Variants in PARD3B observed in about 807,000 individuals in gnomAD.
PARD3B encodes par-3 family cell polarity regulator beta, also known as partitioning defective 3 homolog B.
PARD3B carries 103 observed loss-of-function variants against 130.2 expected under a neutral mutation model. That is an observed-to-expected ratio of 0.79 (90% CI 0.67 to 0.93). PARD3B has a LOEUF of 0.93. Among genes scored for constraint, PARD3B ranks in the 40% least tolerant of loss-of-function variants. The pLI is 0.00. For missense variants in PARD3B, 1,609 were observed against 1,499.2 expected (o/e 1.07, Z -1.21); for synonymous variants, 583 against 553.2 (o/e 1.05, Z -0.76).
rs2052619754 is a variant in PARD3B, at chr2:205,550,987, A to G, written c.3181-2337A>G. Reference sequence around the variant, plus strand: ...TATATATATATATATACACACACACACACACACACACACACATAATCTGTT... The same window carrying G: ...TATATATATATATATACACACACACGCACACACACACACACATAATCTGTT... On this transcript the variant is annotated intron_variant, in intron 21 of 22. Coordinates refer to ENST00000406610, the MANE Select transcript of PARD3B (RefSeq NM_001302769.2). This position sits in a 1 kb window ranked among gnomAD's most constrained non-coding sequence, Gnocchi z 4.5. Among the ~76,000 whole-genome samples, 1 of 71,960 alleles carries G rather than the reference A, an allele frequency of 1.4e-5. No individual in the cohort carries two copies. Among genetic ancestry groups the G allele is most frequent in the South Asian group, 3.8e-4 (1 of 2,598 alleles). The allele number at this position is 71,960 out of a possible 152,430, so 47.2% of individuals were successfully genotyped here.
intron 15 of PARD3B, among the ~76,000 whole-genome samples, chr2:205,193,587 T>A (rs1345103967): frequency 1.3e-5 from 2 of 152,228 alleles, no homozygotes; most frequent in Non-Finnish European, 1.5e-5. Flanking sequence ...AATGATTCCT[T>A]CTGGAGGATC....
At chr2:204,893,820 C>G (rs2046538745) in intron 2 of PARD3B, among the ~76,000 whole-genome samples, 1 of 152,092 alleles carries the variant, frequency 6.6e-6, no homozygotes, top group African/African-American at 2.4e-5. Flanking sequence ...GTTCTTAAGA[C>G]TGTGCCTTAT....
chr2:204,566,965 G>A (rs557547347), intron 1 of PARD3B, among the ~76,000 whole-genome samples: 7 of 150,302 alleles, frequency 4.7e-5, no homozygotes, highest in African/African-American at 1.2e-4. Context: ...TGCAACCTCC[G>A]CCTCCCAGGT....
chr2:205,456,490 C>T (rs996682940), intron 20 of PARD3B, among the ~76,000 whole-genome samples: 1 of 152,028 alleles, frequency 6.6e-6, no homozygotes, highest in African/African-American at 2.4e-5. Context: ...AGAAAACATT[C>T]CTTCTCACTG....
rs540064490 is a variant in PARD3B, at chr2:205,479,277, T to C, written c.3045-20619T>C. Among the ~76,000 whole-genome samples, 373 of 152,322 alleles carry C rather than the reference T, an allele frequency of 2.4e-3. 1 individual carries two copies. Among genetic ancestry groups the C allele is most frequent in the African/African-American group, 8.7e-3 (361 of 41,556 alleles). Reference sequence around the variant, plus strand: ...CCTCCCTTCTCCTTCCCACTTCTCCTTCATTGCACACTTTCTTATTATCAC... The same window carrying C: ...CCTCCCTTCTCCTTCCCACTTCTCCCTCATTGCACACTTTCTTATTATCAC... On this transcript the variant is annotated intron_variant, in intron 20 of 22. Transcript: ENST00000406610.
chr2:204,699,289 G>A (rs941445886), intron 2 of PARD3B, among the ~76,000 whole-genome samples: 5 of 152,050 alleles, frequency 3.3e-5, no homozygotes, highest in Admixed American at 1.3e-4. Context: ...GGTTGCTTAC[G>A]CTTGGACACT....
intron 2 of PARD3B, among the ~76,000 whole-genome samples, chr2:204,821,159 T>A (rs1400990140): frequency 6.6e-6 from 1 of 152,206 alleles, no homozygotes; most frequent in Non-Finnish European, 1.5e-5. Flanking sequence ...TCTCATCTTG[T>A]AGGTCCCATA....
chr2:204,674,642 T>C (rs960819812), intron 1 of PARD3B, among the ~76,000 whole-genome samples: 21 of 152,204 alleles, frequency 1.4e-4, no homozygotes, highest in African/African-American at 5.1e-4. Flanking sequence ...CGCCAGTACC[T>C]CTTCTGCAAT....
chr2:205,300,612 G>A lies in PARD3B; in HGVS notation c.2268G>A (p.Glu756=), dbSNP rs1271231846. 6 of 1,613,806 alleles carry A rather than the reference G, an allele frequency of 3.7e-6. No individual in the cohort carries two copies. Among genetic ancestry groups the A allele is most frequent in the Non-Finnish European group, 4.2e-6 (5 of 1,180,016 alleles). The change falls in exon 17 of 23, where the codon GAG becomes GAA. Residue 756 remains glutamate, a synonymous_variant. Coordinates refer to ENST00000406610, the MANE Select transcript of PARD3B (RefSeq NM_001302769.2). This position sits in a 1 kb window ranked among gnomAD's most constrained non-coding sequence, Gnocchi z 4.1. ...SLESLQTAVA[E]VRKNDLPFHR... is the part of the protein sequence containing the mutation. The stretch of plus-strand genomic sequence containing the variant: ...AGAGTCTGCAGACTGCAGTGGCCGA[G>A]GTCAGGAAGAATGACCTTCCCTTTC...
chr2:205,302,464 G>A (rs960608807), intron 18 of PARD3B, among the ~76,000 whole-genome samples: 1 of 152,184 alleles, frequency 6.6e-6, no homozygotes, highest in Non-Finnish European at 1.5e-5. Context: ...AGTAGTTCAA[G>A]GCTGCAGTGA....
chr2:205,520,601 G>C (rs1335765845), intron 21 of PARD3B, among the ~76,000 whole-genome samples: 1 of 152,096 alleles, frequency 6.6e-6, no homozygotes, highest in Non-Finnish European at 1.5e-5. Context: ...ATTGGTAAAA[G>C]TGTTAAAATG....
chr2:205,615,679 T>A lies in PARD3B; in HGVS notation c.3484T>A (p.Ser1162Thr). The A allele has an allele frequency of 6.2e-7, 1 of 1,613,592 alleles. No homozygotes were observed. The highest frequency in any genetic ancestry group is 8.5e-7 in the Non-Finnish European group (1 of 1,179,926). Reference sequence around the variant, plus strand: ...ACCCTTTCGACAAGACGTTCCGCCTTCCCCTCCCCAGCACCAAAGAATGCC... The same window carrying A: ...ACCCTTTCGACAAGACGTTCCGCCTACCCCTCCCCAGCACCAAAGAATGCC... The part of the protein sequence containing the change: ...KGPFRQDVPP[S>T]PPQHQRMPAY... The change falls in exon 23 of 23, where the codon TCC (serine) becomes ACC (threonine). Residue 1162 changes from serine to threonine, a missense_variant. By Grantham distance (58) the Ser-to-Thr change is moderately conservative. Coordinates refer to ENST00000406610, the MANE Select transcript of PARD3B (RefSeq NM_001302769.2).
intron 1 of PARD3B, among the ~76,000 whole-genome samples, chr2:204,599,735 T>C (rs1315273987): frequency 6.6e-6 from 1 of 152,006 alleles, no homozygotes; most frequent in East Asian, 1.9e-4. Context: ...ATGGTAGTTC[T>C]ATTTGTAGTT....
chr2:205,080,214 C>A (rs1230809844), intron 4 of PARD3B, among the ~76,000 whole-genome samples: 1 of 152,052 alleles, frequency 6.6e-6, no homozygotes, highest in African/African-American at 2.4e-5. Flanking sequence ...ACACGTATTC[C>A]CCTTTTTCTT....
intron 19 of PARD3B, among the ~76,000 whole-genome samples, chr2:205,426,536 A>G (rs2047153959): frequency 6.6e-6 from 1 of 152,262 alleles, no homozygotes; most frequent in African/African-American, 2.4e-5. Context: ...CTCTCCATGA[A>G]AAACCTTTTC....
intron 21 of PARD3B, among the ~76,000 whole-genome samples, chr2:205,553,110 A>T (rs1381477959): frequency 6.6e-6 from 1 of 152,170 alleles, no homozygotes; most frequent in African/African-American, 2.4e-5. Flanking sequence ...TTTGACAGTG[A>T]CCCTTTTTTG....
chr2:205,431,322 C>T (rs971144685), intron 19 of PARD3B, among the ~76,000 whole-genome samples: 1 of 151,960 alleles, frequency 6.6e-6, no homozygotes, highest in Non-Finnish European at 1.5e-5. Context: ...AGTGATCTGC[C>T]CATCTTTGCC....
intron 22 of PARD3B, among the ~76,000 whole-genome samples, chr2:205,579,685 G>T (rs901800225): frequency 6.6e-6 from 1 of 152,202 alleles, no homozygotes; most frequent in Non-Finnish European, 1.5e-5. Flanking sequence ...CCTTTGTTGA[G>T]GGGGGACAGT....
chr2:204,748,247 A>T (rs938548609), intron 2 of PARD3B, among the ~76,000 whole-genome samples: 2 of 152,112 alleles, frequency 1.3e-5, no homozygotes, highest in Admixed American at 1.3e-4. Flanking sequence ...AAAGATGGGT[A>T]GAAAAATGTC....
Sources: gnomAD v4.1 joint callset for allele counts (sites outside exome capture counted in the v4.1 genomes callset) on GRCh38, gnomAD v4.1.1 for gene constraint, Gnocchi (gnomAD v3.1) non-coding constraint, MANE v1.5 for transcripts, NCBI Gene and HGNC (gene_info 2026-07-23, HGNC 2026-07-21) for gene names.